Variants in MPI observed in about 807,000 individuals in gnomAD.
The protein encoded by MPI is mannose-6-phosphate isomerase.
A neutral mutation model predicts 40.1 loss-of-function variants in MPI; 33 were observed. The observed-to-expected ratio is 0.82, with a 90% confidence interval of 0.62 to 1.10. The LOEUF (loss-of-function observed/expected upper bound fraction) is 1.10, where lower values mean the gene tolerates loss of function less well. Among genes scored for constraint, MPI ranks in the 50% least tolerant of loss-of-function variants. The pLI is 0.00. For missense variants in MPI, 514 were observed against 524.1 expected, an observed-to-expected ratio of 0.98 and a Z score of 0.19; for synonymous variants, 187 against 207.4, an observed-to-expected ratio of 0.90 and a Z score of 0.85.
chr15:74,894,607 G>T (rs1019812216), intron 5 of MPI, among the ~76,000 whole-genome samples: 3 of 138,298 alleles, frequency 2.2e-5, no homozygotes, highest in African/African-American at 8.0e-5. Context: ...CGGGGCAATA[G>T]AGTGAGACTC....
Position 74,896,381 on chromosome 15 carries a change from C to G in MPI, c.844+56C>G, listed in dbSNP as rs770105511. On this transcript the variant is annotated intron_variant, in intron 6 of 7. Coordinates refer to ENST00000352410, the MANE Select transcript of MPI (RefSeq NM_002435.3). Reference sequence around the variant, plus strand: ...GCCATCCCTGCTGGGCCCTGTTTCCCTATCTGGACAAAGGAAGGAGAAGGG... The same window carrying G: ...GCCATCCCTGCTGGGCCCTGTTTCCGTATCTGGACAAAGGAAGGAGAAGGG... The G allele has an allele frequency of 2.3e-5, 37 of 1,600,628 alleles. No homozygotes were observed. The South Asian group carries it at 2.7e-4, about 11-fold the overall frequency.
Position 74,896,251 on chromosome 15 carries a change from T to C in MPI, c.770T>C (p.Leu257Pro). 1 of 1,614,198 alleles carries C rather than the reference T, an allele frequency of 6.2e-7. No homozygotes were observed. Among genetic ancestry groups the C allele is most frequent in the Non-Finnish European group, 8.5e-7 (1 of 1,180,036 alleles). ...GDIGCFAIYFLNLLTLKPGEA... is the reference protein window; with the variant it reads ...GDIGCFAIYFPNLLTLKPGEA... ...ATCGGCTGCTTTGCCATCTACTTCC[T>C]GAACCTGCTTACCCTGAAGCCTGGG... Residue 257 changes from leucine (L) to proline (P), a missense_variant, in exon 6 of 8, where the codon CTG becomes CCG. Physicochemically the swap from Leu to Pro is moderately conservative, Grantham distance 98. Coordinates refer to ENST00000352410, the MANE Select transcript of MPI (RefSeq NM_002435.3).
chr15:74,895,036 G>C (rs1254897700), intron 5 of MPI, among the ~76,000 whole-genome samples: 1 of 148,524 alleles, frequency 6.7e-6, no homozygotes, highest in African/African-American at 2.5e-5. Context: ...GTGCAATCTC[G>C]ATCACTGCAA....
intron 6 of MPI, 180 bp from the exon 7 acceptor site, chr15:74,896,831 T>A: frequency 2.9e-6 from 2 of 689,886 alleles, no homozygotes; most frequent in Non-Finnish European, 5.2e-6. Flanking sequence ...CTGACAATAA[T>A]GGGTGACCTG....
intron 1 of MPI, 84 bp from the exon 2 acceptor site, chr15:74,890,443 A>AC: frequency 3.2e-6 from 5 of 1,580,962 alleles, no homozygotes; most frequent in Non-Finnish European, 4.3e-6. Context: ...CCCAGTGAGC[A>AC]CCCCCAGCTC....
chr15:74,896,664 A>G, intron 6 of MPI: 1 of 608,812 alleles, frequency 1.6e-6, no homozygotes, highest in East Asian at 2.7e-5. Context: ...CCTACCAGGG[A>G]TTTTTACACT....
rs1567263806 is a variant in MPI, at chr15:74,890,102, C to CT, written c.16+14dup. Reference sequence around the variant, plus strand: ...GCCGCTCCGCGAGGTGAGCCATTGGCTGGGGTGTCGGCGAGTGTGTTCGTG... The same window carrying CT: ...GCCGCTCCGCGAGGTGAGCCATTGGCTTGGGGTGTCGGCGAGTGTGTTCGTG... On this transcript the variant is annotated intron_variant, in intron 1 of 7. Transcript: ENST00000352410. 6.2e-7 allele frequency: 1 copy of CT among 1,608,076 alleles called. No individual in the cohort carries two copies. Among genetic ancestry groups the CT allele is most frequent in the Non-Finnish European group, 8.5e-7 (1 of 1,179,918 alleles).
rs1365056696 is a variant in MPI, at chr15:74,890,103, T to TG, written c.16+18dup. 2 of 1,608,124 alleles carry TG rather than the reference T, an allele frequency of 1.2e-6. No individual in the cohort carries two copies. Among genetic ancestry groups the TG allele is most frequent in the Admixed American group, 1.7e-5 (1 of 60,014 alleles). ...CCGCTCCGCGAGGTGAGCCATTGGC[T>TG]GGGGTGTCGGCGAGTGTGTTCGTGG... On this transcript the variant is annotated intron_variant, in intron 1 of 7. Coordinates refer to ENST00000352410, the MANE Select transcript of MPI (RefSeq NM_002435.3).
chr15:74,891,290 TG>T, intron 2 of MPI, 88 bp from the exon 3 acceptor site: 1 of 1,244,360 alleles, frequency 8.0e-7, no homozygotes. Context: ...AGTTGCCCTG[TG>T]GGGAGCACAG....
rs1028989668 is a variant in MPI at position 74,899,495 on chromosome 15, C to G, written c.*1765C>G. ...AAGTGACTTGCAAGAGCCTATTTCA[C>G]TCATGCCGTCCAGTGAAACAGGCCC... On this transcript the variant is annotated 3_prime_UTR_variant, in exon 8 of 8. Coordinates refer to ENST00000352410, the MANE Select transcript of MPI (RefSeq NM_002435.3). The G allele has an allele frequency of 6.6e-6, 1 of 152,232 alleles. No individual in the cohort carries two copies. Among genetic ancestry groups the G allele is most frequent in the Non-Finnish European group, 1.5e-5 (1 of 68,048 alleles). 9.4% of individuals were successfully genotyped at this position (152,232 alleles called of 1,614,324 possible). A position where few individuals can be genotyped will look rare whatever the true frequency, so the allele number is the denominator to read the frequency against.
intron 4 of MPI, 135 bp from the exon 5 acceptor site, chr15:74,893,003 T>A: frequency 7.4e-7 from 1 of 1,353,032 alleles, no homozygotes; most frequent in Non-Finnish European, 1.0e-6. Flanking sequence ...AGTGATTGGT[T>A]TCCACTGCAA....
intron 5 of MPI, among the ~76,000 whole-genome samples, chr15:74,895,134 T>A (rs1443006241): frequency 1.3e-5 from 2 of 149,062 alleles, no homozygotes; most frequent in Non-Finnish European, 3.0e-5. Flanking sequence ...CCTGGCTTTT[T>A]TTTTTTTTTT....
intron 5 of MPI, among the ~76,000 whole-genome samples, chr15:74,894,093 T>TTTTCTGAGCCA (rs1567267212): frequency 1.8e-5 from 1 of 54,206 alleles, no homozygotes; most frequent in Non-Finnish European, 3.6e-5. Context: ...TGTGTGTGTG[T>TTTTCTGAGCCA]GTGTGTGTGT....
intron 1 of MPI, 136 bp from the exon 2 acceptor site, chr15:74,890,391 G>A (rs1226401718): frequency 8.0e-6 from 9 of 1,130,598 alleles, no homozygotes; most frequent in Admixed American, 2.0e-5. Flanking sequence ...AGCGGAGGGG[G>A]GTCTCATCCA....
intron 5 of MPI, 43 bp from the exon 6 acceptor site, chr15:74,896,109 G>A (rs751156422): frequency 6.2e-7 from 1 of 1,610,080 alleles, no homozygotes; most frequent in Non-Finnish European, 8.5e-7. Flanking sequence ...GAACAGCACT[G>A]AGTATCCCCC....
intron 4 of MPI, 29 bp downstream of exon 4, chr15:74,892,831 C>A (rs200225426): frequency 1.2e-6 from 2 of 1,614,122 alleles, no homozygotes; most frequent in South Asian, 2.2e-5. Context: ...TGAAGGCATG[C>A]GTACTGGGCC....
Position 74,898,204 on chromosome 15 carries a change from G to T in MPI, c.*474G>T, listed in dbSNP as rs2064852839. ...CTGTTTACACCCTTGTTCTGTCAAAGCAATTAAAGATCACTTGTGTTGAGG... is the reference window on the plus strand; with the variant it reads ...CTGTTTACACCCTTGTTCTGTCAAATCAATTAAAGATCACTTGTGTTGAGG... On this transcript the variant is annotated 3_prime_UTR_variant, in exon 8 of 8. Transcript: ENST00000352410. The T allele has an allele frequency of 3.7e-6, 1 of 267,994 alleles. No individual in the cohort carries two copies. Among genetic ancestry groups the T allele is most frequent in the Non-Finnish European group, 7.4e-6 (1 of 134,464 alleles). The allele number at this position is 267,994 out of a possible 1,614,324, so 16.6% of individuals were successfully genotyped here.
chr15:74,890,433 C>T (rs1168712425), intron 1 of MPI, 94 bp from the exon 2 acceptor site: 2 of 1,547,492 alleles, frequency 1.3e-6, no homozygotes. Context: ...TGACTCTGTC[C>T]CCAGTGAGCA....
Position 74,892,676 on chromosome 15 carries a change from C to T in MPI, c.361C>T (p.Leu121=), listed in dbSNP as rs754019980. ...AHPNKELAEK[L]HLQAPQHYPD... ...CACCCCACAGGAGCTGGCAGAGAAG[C>T]TGCACCTCCAGGCTCCGCAGCACTA... The change falls in exon 4 of 8, where the codon CTG becomes TTG. Residue 121 remains leucine (L), a synonymous_variant. Coordinates refer to ENST00000352410, the MANE Select transcript of MPI (RefSeq NM_002435.3). 1 of 1,614,220 alleles carries T rather than the reference C, an allele frequency of 6.2e-7. No homozygotes were observed. Among genetic ancestry groups the T allele is most frequent in the East Asian group, 2.2e-5 (1 of 44,894 alleles).
Sources: allele counts gnomAD v4.1 joint callset (sites outside exome capture counted in the v4.1 genomes callset), GRCh38; gene constraint gnomAD v4.1.1; transcripts MANE v1.5; gene names NCBI Gene and HGNC (gene_info 2026-07-23, HGNC 2026-07-21).